TENM3: variants seen among roughly 807,000 people sequenced by gnomAD.
The protein encoded by TENM3 is teneurin transmembrane protein 3, also known as teneurin-3.
In TENM3, 63 loss-of-function variants were observed where a neutral mutation model predicts 255.1. The observed-to-expected ratio is 0.25, with a 90% CI of 0.20 to 0.30. The LOEUF (loss-of-function observed/expected upper bound fraction) is 0.30. TENM3 is among the 10% of genes least tolerant of loss of function. The pLI is 1.00. For missense variants in TENM3, 2,929 were observed against 3,461.1 expected (o/e 0.85, Z 3.86); for synonymous variants, 1,306 against 1,322.3 (o/e 0.99, Z 0.27).
chr4:181,679,693 T>C, the TENM3 span, among the ~76,000 whole-genome samples: 4 of 152,168 alleles, frequency 2.6e-5, no homozygotes, highest in Non-Finnish European at 5.9e-5. Flanking sequence ...TAAAAGTGTA[T>C]ACTTTCATAA....
the TENM3 span, among the ~76,000 whole-genome samples, chr4:181,481,662 C>T: frequency 1.2e-4 from 18 of 152,098 alleles, no homozygotes; most frequent in Admixed American, 1.1e-3. Flanking sequence ...GCTGTGAAAT[C>T]CAGTTTCAGT....
At chr4:182,054,817 A>G in the TENM3 span, among the ~76,000 whole-genome samples, 5 of 152,152 alleles carry the variant, frequency 3.3e-5, no homozygotes, top group Admixed American at 2.0e-4. Flanking sequence ...TTTTAATTAA[A>G]AAAAAGAATA....
At chr4:182,507,507 AT>A (rs147029149) in intron 3 of TENM3, among the ~76,000 whole-genome samples, 1 of 152,044 alleles carries the variant, frequency 6.6e-6, no homozygotes, top group Non-Finnish European at 1.5e-5. Flanking sequence ...TTCCGTCAGA[AT>A]TTTTTTTATA....
chr4:181,982,457 C>G, the TENM3 span, among the ~76,000 whole-genome samples: 2 of 152,136 alleles, frequency 1.3e-5, no homozygotes, highest in African/African-American at 4.8e-5. Context: ...TACCTCCTTT[C>G]ACAAAGAATG....
the TENM3 span, among the ~76,000 whole-genome samples, chr4:181,913,929 G>A: frequency 1.3e-5 from 2 of 152,198 alleles, no homozygotes; most frequent in Non-Finnish European, 2.9e-5. Context: ...AGCTTAGCCA[G>A]GAGGCTGAGA....
intron 22 of TENM3, among the ~76,000 whole-genome samples, chr4:182,767,336 G>A (rs1763802667): frequency 6.6e-6 from 1 of 152,182 alleles, no homozygotes; most frequent in Non-Finnish European, 1.5e-5. Flanking sequence ...CGATCAAGGA[G>A]TGATTTATGC....
chr4:182,771,302 G>A (rs1015479660), intron 22 of TENM3, among the ~76,000 whole-genome samples: 25 of 152,192 alleles, frequency 1.6e-4, no homozygotes, highest in African/African-American at 5.8e-4. Flanking sequence ...GAATGAATCA[G>A]CAAGCTGCTT....
chr4:181,853,250 G>A, the TENM3 span, among the ~76,000 whole-genome samples: 3 of 152,142 alleles, frequency 2.0e-5, no homozygotes, highest in Admixed American at 1.3e-4. Context: ...TTATCTCCAC[G>A]AACTGGATAC....
chr4:182,387,578 C>T (rs891428129), intron 3 of TENM3, among the ~76,000 whole-genome samples: 1 of 152,114 alleles, frequency 6.6e-6, no homozygotes, highest in African/African-American at 2.4e-5. Flanking sequence ...TGTTTGGGTC[C>T]ACGCTGCTTT....
intron 3 of TENM3, among the ~76,000 whole-genome samples, chr4:182,422,652 T>C (rs1770924347): frequency 6.6e-6 from 1 of 152,220 alleles, no homozygotes. Context: ...AATCGACTTG[T>C]CATTCAATTT....
At chr4:181,730,343 T>C in the TENM3 span, among the ~76,000 whole-genome samples, 3 of 152,158 alleles carry the variant, frequency 2.0e-5, no homozygotes, top group African/African-American at 4.8e-5. Context: ...ACGCTTGCAA[T>C]GCATGTCCTT....
the TENM3 span, among the ~76,000 whole-genome samples, chr4:181,632,503 C>T: frequency 8.9e-3 from 1,349 of 152,170 alleles, 25 homozygotes; most frequent in African/African-American, 0.031. Context: ...AACCAGTTTT[C>T]GATATTCTGA....
chr4:181,913,353 G>A, the TENM3 span, among the ~76,000 whole-genome samples: 600 of 152,262 alleles, frequency 3.9e-3, no homozygotes, highest in Middle Eastern at 6.8e-3. Context: ...AGTGAAAATA[G>A]CACTCAGGCA....
At chr4:181,862,298 C>T in the TENM3 span, among the ~76,000 whole-genome samples, 16 of 151,916 alleles carry the variant, frequency 1.1e-4, no homozygotes, top group African/African-American at 2.4e-4. Context: ...CTTAGGGTCA[C>T]GAAAGGCCAT....
chr4:182,077,972 T>C, the TENM3 span, among the ~76,000 whole-genome samples: 1 of 152,118 alleles, frequency 6.6e-6, no homozygotes, highest in Non-Finnish European at 1.5e-5. Context: ...TGAGGCATTA[T>C]GAATCATTAC....
intron 2 of TENM3, among the ~76,000 whole-genome samples, chr4:182,344,407 G>A (rs1764669711): frequency 6.6e-6 from 1 of 152,096 alleles, no homozygotes; most frequent in South Asian, 2.1e-4. Context: ...AGTCGATGGA[G>A]GGAAGTATTT....
At chr4:182,409,851 A>C (rs1325841171) in intron 3 of TENM3, among the ~76,000 whole-genome samples, 3 of 147,622 alleles carry the variant, frequency 2.0e-5, no homozygotes, top group African/African-American at 7.5e-5. Flanking sequence ...ATTAGACAGG[A>C]TCTCACTCTG....
At chr4:182,243,695 A>T (rs1209232249) in intron 1 of TENM3, among the ~76,000 whole-genome samples, 1 of 152,190 alleles carries the variant, frequency 6.6e-6, no homozygotes, top group Non-Finnish European at 1.5e-5. Flanking sequence ...GCAGTTCAAG[A>T]TGCTTGAAAT....
chr4:181,946,023 T>C, the TENM3 span, among the ~76,000 whole-genome samples: 6 of 152,214 alleles, frequency 3.9e-5, no homozygotes, highest in Admixed American at 6.5e-5. Flanking sequence ...TTCCTATTTA[T>C]CATAAAGATA....
Sources: gnomAD v4.1 joint callset for allele counts (sites outside exome capture counted in the v4.1 genomes callset) on GRCh38, gnomAD v4.1.1 for gene constraint, MANE v1.5 for transcripts, NCBI Gene and HGNC (gene_info 2026-07-23, HGNC 2026-07-21) for gene names.